Variants in RAVER2 observed in about 807,000 individuals in gnomAD.
The protein encoded by RAVER2 is ribonucleoprotein PTB-binding 2.
In RAVER2, 46 loss-of-function variants were observed where a neutral mutation model predicts 78.1. The ratio of observed to expected loss-of-function variants is 0.59; its 90% CI spans 0.46 to 0.75. The LOEUF (loss-of-function observed/expected upper bound fraction) is 0.75, where lower values mean the gene tolerates loss of function less well. Among genes scored for constraint, RAVER2 ranks in the 30% least tolerant of loss-of-function variants. The probability of loss-of-function intolerance (pLI) is 0.00; values close to 1 mark genes in which losing one functional copy is unlikely to be tolerated. For synonymous variants in RAVER2, 311 were observed against 313.3 expected, an observed-to-expected ratio of 0.99 and a Z score of 0.08; for missense variants, 793 against 837.5, an observed-to-expected ratio of 0.95 and a Z score of 0.66.
At chr1:64,763,090 A>C (rs1026478940) in intron 1 of RAVER2, among the ~76,000 whole-genome samples, 2 of 152,144 alleles carry the variant, frequency 1.3e-5, no homozygotes, top group African/African-American at 4.8e-5. Flanking sequence ...CGGGCAGATC[A>C]TGAGGTCAGG....
intron 9 of RAVER2, among the ~76,000 whole-genome samples, chr1:64,808,520 G>A (rs1273039000): frequency 1.4e-5 from 2 of 137,968 alleles, no homozygotes; most frequent in Admixed American, 8.4e-5. Flanking sequence ...GGAATGCAGC[G>A]ACACAACCTC....
chr1:64,790,213 T>A (rs1652897849), intron 5 of RAVER2, among the ~76,000 whole-genome samples: 1 of 152,112 alleles, frequency 6.6e-6, no homozygotes. Context: ...CTGAAAATAT[T>A]AAGTGGAAAA....
In RAVER2 at chr1:64,778,079, C is replaced by A. The variant is rs1557590676; in HGVS notation, c.773C>A (p.Pro258His). The A allele has an allele frequency of 1.9e-6, 3 of 1,604,278 alleles. No homozygotes were observed. In the Admixed American group the frequency reaches 5.1e-5, roughly 27 times the overall value. Residue 258 changes from proline (P) to histidine (H), a missense_variant, in exon 3 of 12, where the codon CCT becomes CAT. Transcript: ENST00000294428. ...CAAATTTTTTCCAGTGTCCATAAAC[C>A]TGTGTTTTGCCAGGTATGTATTTTT...
intron 2 of RAVER2, among the ~76,000 whole-genome samples, chr1:64,775,841 C>T (rs1652446542): frequency 1.3e-5 from 2 of 151,610 alleles, no homozygotes; most frequent in South Asian, 4.2e-4. Context: ...CAACATGGCG[C>T]AACCCCATCT....
chr1:64,783,095 G>T (rs906205857), intron 4 of RAVER2, among the ~76,000 whole-genome samples: 1 of 152,182 alleles, frequency 6.6e-6, no homozygotes, highest in South Asian at 2.1e-4. Context: ...ATTCCATGGT[G>T]TATATGTGCC....
Position 64,748,353 on chromosome 1 carries a change from A to G in RAVER2, c.249+2932A>G, listed in dbSNP as rs538119514. Among the ~76,000 whole-genome samples, 12 of 152,238 alleles carry G rather than the reference A, an allele frequency of 7.9e-5. 1 individual carries two copies. The South Asian group carries it at 2.5e-3, about 32-fold the overall frequency. On this transcript the variant is annotated intron_variant, in intron 1 of 11. Transcript: ENST00000294428. ...TTTCGGTTTGTCACCTACCTTCATT[A>G]CTGTCCTGTTTCTTACATTTTAGCT...
chr1:64,783,782 T>G (rs1652702286), intron 4 of RAVER2, among the ~76,000 whole-genome samples: 1 of 152,174 alleles, frequency 6.6e-6, no homozygotes, highest in African/African-American at 2.4e-5. Context: ...AAAGACTTCA[T>G]GACTAAAACA....
At chr1:64,808,456 CTTTTTTT>C (rs71584460) in intron 9 of RAVER2, among the ~76,000 whole-genome samples, 1 of 103,162 alleles carries the variant, frequency 9.7e-6, no homozygotes, top group Non-Finnish European at 1.9e-5. Flanking sequence ...TAATGCAGTC[CTTTTTTT>C]TTTTTTTTTT....
At chr1:64,765,705 A>G (rs530729757) in intron 1 of RAVER2, among the ~76,000 whole-genome samples, 2 of 152,164 alleles carry the variant, frequency 1.3e-5, no homozygotes, top group South Asian at 4.2e-4. Context: ...GTTTCTGGGT[A>G]TTTATTTTGT....
intron 2 of RAVER2, among the ~76,000 whole-genome samples, chr1:64,777,300 ATG>A (rs1026126691): frequency 2.0e-5 from 3 of 152,134 alleles, no homozygotes; most frequent in Non-Finnish European, 4.4e-5. Flanking sequence ...GAAATCAAAT[ATG>A]TGTGTGATTG....
chr1:64,794,421 C>A (rs1238254863), intron 5 of RAVER2, among the ~76,000 whole-genome samples: 1 of 150,298 alleles, frequency 6.7e-6, no homozygotes, highest in Admixed American at 6.6e-5. Context: ...AAAAAAACTG[C>A]CCAGCTGTTT....
intron 3 of RAVER2, among the ~76,000 whole-genome samples, chr1:64,779,803 T>G (rs1652580132): frequency 6.6e-6 from 1 of 151,650 alleles, no homozygotes. Flanking sequence ...GGAAGAGCCC[T>G]TAGAGATTAT....
At chr1:64,786,789 TC>T (rs1041753094) in intron 4 of RAVER2, among the ~76,000 whole-genome samples, 1 of 151,836 alleles carries the variant, frequency 6.6e-6, no homozygotes, top group African/African-American at 2.4e-5. Context: ...CGAGACTCTG[TC>T]TCAAGAAAAA....
chr1:64,751,603 G>T (rs1352588395), intron 1 of RAVER2, among the ~76,000 whole-genome samples: 1 of 151,962 alleles, frequency 6.6e-6, no homozygotes, highest in Admixed American at 6.6e-5. Context: ...TTAGATACGG[G>T]ATGTTGCTAT....
intron 11 of RAVER2, among the ~76,000 whole-genome samples, chr1:64,823,633 T>G (rs1653937524): frequency 6.6e-6 from 1 of 152,134 alleles, no homozygotes; most frequent in Non-Finnish European, 1.5e-5. Flanking sequence ...AACACCTAAA[T>G]CTAACATCTA....
chr1:64,804,132 C>G (rs981062087), intron 6 of RAVER2, among the ~76,000 whole-genome samples: 3 of 152,084 alleles, frequency 2.0e-5, no homozygotes, highest in Admixed American at 2.0e-4. Context: ...CGCTTCCCAC[C>G]CCAACATCAC....
intron 1 of RAVER2, among the ~76,000 whole-genome samples, chr1:64,767,542 T>C (rs1477378061): frequency 6.6e-6 from 1 of 152,052 alleles, no homozygotes; most frequent in Non-Finnish European, 1.5e-5. Flanking sequence ...TTAGGTTACA[T>C]ACTTAACATA....
At chr1:64,803,045 T>G (rs1041290898) in exon 6 of RAVER2, 1 of 1,596,846 alleles carries the variant, frequency 6.3e-7, no homozygotes, top group African/African-American at 1.3e-5. Flanking sequence ...TTTTTACATT[T>G]GAATAAAGCA....
intron 11 of RAVER2, among the ~76,000 whole-genome samples, chr1:64,822,118 C>G (rs933575352): frequency 1.3e-5 from 2 of 152,140 alleles, no homozygotes; most frequent in South Asian, 4.1e-4. Flanking sequence ...GAGACCCCGT[C>G]TCTACTAAAA....
Sources: allele counts gnomAD v4.1 joint callset (sites outside exome capture counted in the v4.1 genomes callset), GRCh38; gene constraint gnomAD v4.1.1; transcripts MANE v1.5; gene names NCBI Gene and HGNC (gene_info 2026-07-23, HGNC 2026-07-21).